Variants in PTK2 observed in about 807,000 individuals in gnomAD.
PTK2 encodes protein tyrosine kinase 2, also known as focal adhesion kinase 1.
A neutral mutation model predicts 150.1 loss-of-function variants in PTK2; 45 were observed. The observed-to-expected ratio is 0.30, with a 90% CI of 0.24 to 0.38. PTK2 has a LOEUF of 0.38. PTK2 is among the 10% of genes least tolerant of loss of function. The pLI is 1.00. For synonymous variants in PTK2, 432 were observed against 449.2 expected (o/e 0.96, Z 0.48); for missense variants, 919 against 1,307.3 (o/e 0.70, Z 4.58).
intron 20 of PTK2, 150 bp from the exon 24 acceptor site, chr8:140,739,257 C>T (rs2100054307): frequency 2.1e-6 from 1 of 482,964 alleles, no homozygotes; most frequent in Non-Finnish European, 3.5e-6. Context: ...CTTTTCATTT[C>T]CTTGGTGTTT....
At chr8:140,696,447 T>C (rs1324021830) in intron 26 of PTK2, among the ~76,000 whole-genome samples, 4 of 152,142 alleles carry the variant, frequency 2.6e-5, no homozygotes, top group African/African-American at 9.7e-5. Context: ...CGCTTGGCGC[T>C]CAGTAAGGTT....
intron 15 of PTK2, among the ~76,000 whole-genome samples, chr8:140,761,702 C>G (rs1431012866): frequency 2.0e-5 from 3 of 151,968 alleles, no homozygotes; most frequent in Admixed American, 6.6e-5. Flanking sequence ...ATGGAAGCAA[C>G]ATAAAATTAT....
intron 26 of PTK2, among the ~76,000 whole-genome samples, chr8:140,691,655 TTTTC>T (rs1257825406): frequency 1.3e-5 from 2 of 152,188 alleles, no homozygotes; most frequent in East Asian, 3.8e-4. Flanking sequence ...CCCTGTGCAT[TTTTC>T]TAGTGAACTG....
chr8:140,898,672 T>C (rs879531898), intron 2 of PTK2, among the ~76,000 whole-genome samples: 2 of 151,872 alleles, frequency 1.3e-5, no homozygotes, highest in Non-Finnish European at 2.9e-5. Context: ...GGGAAAAAAA[T>C]GCAACGAACA....
chr8:140,675,137 C>T (rs2100012856), intron 28 of PTK2, among the ~76,000 whole-genome samples: 1 of 149,032 alleles, frequency 6.7e-6, no homozygotes, highest in East Asian at 2.0e-4. Flanking sequence ...ACAAAAGACA[C>T]TAATCTTGCA....
chr8:141,001,440 G>A (rs1047016463), upstream of PTK2: 121 of 151,986 alleles, frequency 8.0e-4, no homozygotes, highest in African/African-American at 2.8e-3. Flanking sequence ...CGCGCCGCTA[G>A]GCTCTGCTCG....
chr8:140,784,969 C>T (rs768141019), intron 14 of PTK2, among the ~76,000 whole-genome samples: 2 of 152,158 alleles, frequency 1.3e-5, no homozygotes, highest in Non-Finnish European at 2.9e-5. Context: ...TATCTTCTCT[C>T]CGGAATGTAA....
At chr8:140,989,764 C>T (rs921142211) in intron 1 of PTK2, among the ~76,000 whole-genome samples, 6 of 151,446 alleles carry the variant, frequency 4.0e-5, no homozygotes, top group Admixed American at 2.0e-4. Flanking sequence ...CAAAATTAGC[C>T]GGGTGTGATG....
intron 14 of PTK2, among the ~76,000 whole-genome samples, chr8:140,772,516 C>A (rs967978637): frequency 6.6e-6 from 1 of 152,280 alleles, no homozygotes; most frequent in African/African-American, 2.4e-5. Context: ...GAAGCAACAG[C>A]GATACGGAAC....
chr8:140,813,804 A>T (rs2100103022), intron 10 of PTK2, among the ~76,000 whole-genome samples: 1 of 148,014 alleles, frequency 6.8e-6, no homozygotes, highest in African/African-American at 2.6e-5. Flanking sequence ...ACTAACCAAA[A>T]CCAGGATGAA....
chr8:140,691,870 C>T (rs1280672137), intron 26 of PTK2, among the ~76,000 whole-genome samples: 2 of 152,094 alleles, frequency 1.3e-5, no homozygotes, highest in African/African-American at 4.8e-5. Flanking sequence ...ATGTTATAGA[C>T]GAGGAACTTG....
chr8:140,867,785 TAC>T (rs1044333589), intron 4 of PTK2, among the ~76,000 whole-genome samples: 3 of 152,172 alleles, frequency 2.0e-5, no homozygotes, highest in Admixed American at 1.3e-4. Flanking sequence ...TTCAACACAC[TAC>T]AGTCTAGCAT....
At chr8:140,967,719 A>G (rs1191624425) in intron 1 of PTK2, among the ~76,000 whole-genome samples, 1 of 151,938 alleles carries the variant, frequency 6.6e-6, no homozygotes, top group African/African-American at 2.4e-5. Flanking sequence ...CGGCCTCCCA[A>G]AGTGCTGGGA....
At chr8:140,783,766 T>A (rs2154570809) in intron 14 of PTK2, among the ~76,000 whole-genome samples, 1 of 152,220 alleles carries the variant, frequency 6.6e-6, no homozygotes, top group South Asian at 2.1e-4. Context: ...AACCTAAAAG[T>A]AATCTTGAAT....
intron 1 of PTK2, among the ~76,000 whole-genome samples, chr8:140,967,506 G>T (rs1169274467): frequency 2.9e-4 from 43 of 146,910 alleles, no homozygotes; most frequent in Non-Finnish European, 2.1e-4. Context: ...TGTCATGCAG[G>T]CTGGAGTGCA....
At chr8:140,735,409 T>C in exon 22 of PTK2, 1 of 1,614,142 alleles carries the variant, frequency 6.2e-7, no homozygotes, top group Non-Finnish European at 8.5e-7. Context: ...TCTTCACTCC[T>C]TGAAAAGGCT....
At chr8:140,680,385 G>T (rs1589752913) in intron 27 of PTK2, among the ~76,000 whole-genome samples, 3 of 152,084 alleles carry the variant, frequency 2.0e-5, no homozygotes, top group African/African-American at 7.2e-5. Flanking sequence ...CCGCTACCAC[G>T]CCCGGCTAAC....
At chr8:140,984,696 G>A (rs944581165) in intron 1 of PTK2, among the ~76,000 whole-genome samples, 2 of 152,010 alleles carry the variant, frequency 1.3e-5, no homozygotes, top group African/African-American at 2.4e-5. Flanking sequence ...CCCAGGTGGC[G>A]ATGAAAAGTG....
At chr8:140,759,548 A>G (rs866774610) in intron 16 of PTK2, among the ~76,000 whole-genome samples, 1 of 147,428 alleles carries the variant, frequency 6.8e-6, no homozygotes, top group African/African-American at 2.6e-5. Context: ...AAAAAAAAAA[A>G]AAAAAAGAAA....
Sources: gnomAD v4.1 joint callset for allele counts (sites outside exome capture counted in the v4.1 genomes callset) on GRCh38, gnomAD v4.1.1 for gene constraint, MANE v1.5 for transcripts, NCBI Gene and HGNC (gene_info 2026-07-23, HGNC 2026-07-21) for gene names.